DPYSL2: variants seen among roughly 807,000 people sequenced by gnomAD.
The protein encoded by DPYSL2 is dihydropyrimidinase like 2, also known as dihydropyrimidinase-related protein 2.
A neutral mutation model predicts 69.9 loss-of-function variants in DPYSL2; 13 were observed. The observed-to-expected ratio is 0.19, with a 90% CI of 0.12 to 0.30. The LOEUF (loss-of-function observed/expected upper bound fraction) is 0.30. Among genes scored for constraint, DPYSL2 ranks in the 10% least tolerant of loss-of-function variants. The pLI is 1.00. For synonymous variants in DPYSL2, 326 were observed against 359.1 expected, an observed-to-expected ratio of 0.91 and a Z score of 1.04; for missense variants, 587 against 918.9, an observed-to-expected ratio of 0.64 and a Z score of 4.67.
rs747393640 is a variant in DPYSL2 at position 26,565,901 on chromosome 8, G to C, written c.355-16068G>C. Reference sequence around the variant, plus strand: ...TTGGAGAAAAAGCCTGGAGGAGGAAGAGGGAATTGTCTATGTCCTAGGCCT... The same window carrying C: ...TTGGAGAAAAAGCCTGGAGGAGGAACAGGGAATTGTCTATGTCCTAGGCCT... On this transcript the variant is annotated intron_variant, in intron 1 of 13. Coordinates refer to ENST00000521913, the MANE Select transcript of DPYSL2 (RefSeq NM_001197293.3). This position sits in a 1 kb window ranked among gnomAD's most constrained non-coding sequence, Gnocchi z 4.1. 1.8e-4 allele frequency among the ~76,000 whole-genome samples: 27 copies of C among 152,326 alleles called. No individual in the cohort carries two copies. Among genetic ancestry groups the C allele is most frequent in the Middle Eastern group, 6.8e-3 (2 of 294 alleles).
intron 3 of DPYSL2, among the ~76,000 whole-genome samples, chr8:26,584,569 C>T (rs2129742900): frequency 6.6e-6 from 1 of 151,508 alleles, no homozygotes; most frequent in South Asian, 2.1e-4. Flanking sequence ...ATTGCTGACA[C>T]CCACAGCTGG....
intron 3 of DPYSL2, among the ~76,000 whole-genome samples, chr8:26,589,457 T>C (rs765851659): frequency 2.0e-5 from 3 of 152,110 alleles, no homozygotes; most frequent in Non-Finnish European, 4.4e-5. Flanking sequence ...AATGAGTGAG[T>C]GAATGAATGA....
At position 26,640,964 on chromosome 8, in the gene DPYSL2, T is replaced by C. The variant is rs924459981; in HGVS notation, c.1127-2475T>C. ...GTTCATTCTCTTGAAGTGAGGTAGA[T>C]ATTCCTGTGCACAGAGAGAAGGGGA... On this transcript the variant is annotated intron_variant, in intron 8 of 13. Coordinates refer to ENST00000521913, the MANE Select transcript of DPYSL2 (RefSeq NM_001197293.3). This position sits in a 1 kb window ranked among gnomAD's most constrained non-coding sequence, Gnocchi z 4.2. 2.6e-5 allele frequency among the ~76,000 whole-genome samples: 4 copies of C among 152,156 alleles called. No individual in the cohort carries two copies. The highest frequency in any genetic ancestry group is 1.3e-4 in the Admixed American group (2 of 15,276).
chr8:26,530,827 C>G (rs370461518), intron 1 of DPYSL2, among the ~76,000 whole-genome samples: 1 of 152,190 alleles, frequency 6.6e-6, no homozygotes, highest in African/African-American at 2.4e-5. Context: ...TTTAGATCTG[C>G]TACCTCCTTT....
intron 1 of DPYSL2, among the ~76,000 whole-genome samples, chr8:26,536,477 C>T (rs1800594509): frequency 6.6e-6 from 1 of 151,986 alleles, no homozygotes; most frequent in Admixed American, 6.5e-5. Context: ...TCGAGACCAG[C>T]CTGGTTAACA....
At chr8:26,528,806 C>G (rs531169363) in intron 1 of DPYSL2, among the ~76,000 whole-genome samples, 1 of 152,168 alleles carries the variant, frequency 6.6e-6, no homozygotes, top group Non-Finnish European at 1.5e-5. Flanking sequence ...TGGCCAAGAG[C>G]CTTTATTGTG....
chr8:26,625,889 A>G (rs1038663191), intron 4 of DPYSL2, among the ~76,000 whole-genome samples: 1 of 152,134 alleles, frequency 6.6e-6, no homozygotes, highest in East Asian at 1.9e-4. Context: ...ATTGTTTTAA[A>G]ATACACTCAT....
Position 26,626,479 on chromosome 8 carries a change from T to A in DPYSL2, c.794-138T>A. ...TTCTCTCCTCTCTCTTTCTCTGTACTGAAACACACACACACACACACACAC... is the reference window on the plus strand; with the variant it reads ...TTCTCTCCTCTCTCTTTCTCTGTACAGAAACACACACACACACACACACAC... On this transcript the variant is annotated intron_variant, in intron 4 of 13. Transcript: ENST00000521913. The surrounding 1 kb of genome is among the most constrained non-coding windows in gnomAD (Gnocchi z 4.3). 1 of 663,098 alleles carries A rather than the reference T, an allele frequency of 1.5e-6. No homozygotes were observed. Among genetic ancestry groups the A allele is most frequent in the Non-Finnish European group, 2.4e-6 (1 of 419,604 alleles). The allele number at this position is 663,098 out of a possible 1,614,324, so 41.1% of individuals were successfully genotyped here. A position where few individuals can be genotyped will look rare whatever the true frequency, so the allele number is the denominator to read the frequency against.
At chr8:26,634,750 A>T (rs755721103) in intron 7 of DPYSL2, 30 bp from the exon 8 acceptor site, 5 of 1,613,572 alleles carry the variant, frequency 3.1e-6, no homozygotes, top group Non-Finnish European at 3.4e-6. Flanking sequence ...GGGCTGAGCC[A>T]CATTCTCATG....
rs773101826 is a variant in DPYSL2 at position 26,641,949 on chromosome 8, G to C, written c.1127-1490G>C. Reference sequence around the variant, plus strand: ...TGTATCATCAAGTGATAAGGCCTTCGGAAAGGCTGTGGAGAGGAAGGAAAA... The same window carrying C: ...TGTATCATCAAGTGATAAGGCCTTCCGAAAGGCTGTGGAGAGGAAGGAAAA... On this transcript the variant is annotated intron_variant, in intron 8 of 13. Coordinates refer to ENST00000521913, the MANE Select transcript of DPYSL2 (RefSeq NM_001197293.3). This position sits in a 1 kb window ranked among gnomAD's most constrained non-coding sequence, Gnocchi z 4.1. 4.6e-5 allele frequency among the ~76,000 whole-genome samples: 7 copies of C among 152,156 alleles called. No homozygotes were observed. The highest frequency in any genetic ancestry group is 6.5e-5 in the Admixed American group (1 of 15,272).
chr8:26,592,541 T>G (rs1801755342), intron 3 of DPYSL2, among the ~76,000 whole-genome samples: 1 of 151,108 alleles, frequency 6.6e-6, no homozygotes, highest in Admixed American at 6.6e-5. Flanking sequence ...AATGGCGCAG[T>G]CTTGGCTCAC....
rs1220784351 is a variant in DPYSL2, at chr8:26,517,807, G to A, written c.354+3128G>A. ...GCCGCTGAATGAACTGCACAGTGCT[G>A]CTGAGCTTGGCAATGTTACTGAGTC... On this transcript the variant is annotated intron_variant, in intron 1 of 13. Transcript: ENST00000521913. This position sits in a 1 kb window ranked among gnomAD's most constrained non-coding sequence, Gnocchi z 4.2. Among the ~76,000 whole-genome samples the A allele has an allele frequency of 6.6e-6, 1 of 152,248 alleles. No individual in the cohort carries two copies. Among genetic ancestry groups the A allele is most frequent in the Non-Finnish European group, 1.5e-5 (1 of 68,048 alleles).
At chr8:26,589,617 C>G (rs59353992) in intron 3 of DPYSL2, among the ~76,000 whole-genome samples, 6,568 of 152,302 alleles carry the variant, frequency 0.043, 457 homozygotes, top group African/African-American at 0.15. Flanking sequence ...CAGTGGCTCC[C>G]TCTGCAGCCC....
intron 8 of DPYSL2, chr8:26,637,784 C>T (rs71519607): frequency 0.052 from 7,987 of 152,288 alleles, 297 homozygotes; most frequent in Non-Finnish European, 0.075. Flanking sequence ...TCCACATGTC[C>T]TTTTGCCATC....
chr8:26,559,410 C>G (rs1045131807), intron 1 of DPYSL2, among the ~76,000 whole-genome samples: 1 of 152,096 alleles, frequency 6.6e-6, no homozygotes, highest in Non-Finnish European at 1.5e-5. Flanking sequence ...TACATTCTTG[C>G]GAAAGAAATG....
rs142334806 is a variant in DPYSL2 at position 26,517,003 on chromosome 8, C to T, written c.354+2324C>T. ...TGACTTGTCATTAGTTGGTTTTCAA[C>T]GAATGAGTTGGGTGAGTGCCAGCAT... On this transcript the variant is annotated intron_variant, in intron 1 of 13. Coordinates refer to ENST00000521913, the MANE Select transcript of DPYSL2 (RefSeq NM_001197293.3). This position sits in a 1 kb window ranked among gnomAD's most constrained non-coding sequence, Gnocchi z 4.2. Among the ~76,000 whole-genome samples, 7 of 152,298 alleles carry T rather than the reference C, an allele frequency of 4.6e-5. No homozygotes were observed. Among genetic ancestry groups the T allele is most frequent in the South Asian group, 2.1e-4 (1 of 4,824 alleles).
rs1376762085 is a variant in DPYSL2 at position 26,627,947 on chromosome 8, G to A, written c.1005+7G>A. The A allele has an allele frequency of 3.7e-6, 6 of 1,613,188 alleles. No homozygotes were observed. The highest frequency in any genetic ancestry group is 2.7e-5 in the African/African-American group (2 of 74,922). On this transcript the variant is annotated splice_region_variant and intron_variant, in intron 7 of 13. Transcript: ENST00000521913. The surrounding 1 kb of genome is among the most constrained non-coding windows in gnomAD (Gnocchi z 6.9). ...GCTGAGCCGACCTGAGGAGGTGAAT[G>A]TTCACCAAGCGGAATGCGTGAATCA...
At position 26,598,372 on chromosome 8, in the gene DPYSL2, T is replaced by G. The variant is rs1271483238; in HGVS notation, c.628+14389T>G. Among the ~76,000 whole-genome samples the G allele has an allele frequency of 6.6e-6, 1 of 152,244 alleles. No homozygotes were observed. Among genetic ancestry groups the G allele is most frequent in the Non-Finnish European group, 1.5e-5 (1 of 68,038 alleles). On this transcript the variant is annotated intron_variant, in intron 3 of 13. Transcript: ENST00000521913. The surrounding 1 kb of genome is among the most constrained non-coding windows in gnomAD (Gnocchi z 4.2). ...TTTGTGGATGTTTTAGAGCTCCTCC[T>G]CTCCATCTCCTGAATTTCTTTTCTT...
rs1803391237 is a variant in DPYSL2 at position 26,656,358 on chromosome 8, T to G, written c.*652T>G. On this transcript the variant is annotated 3_prime_UTR_variant, in exon 14 of 14. Transcript: ENST00000521913. ...GCCCACCCGCATCGCCATTCTGTAG[T>G]CTTCAGGGTCAGCTGTTGATAAAGG... 6.6e-6 allele frequency: 1 copy of G among 152,528 alleles called. No individual in the cohort carries two copies. Among genetic ancestry groups the G allele is most frequent in the African/African-American group, 2.4e-5 (1 of 41,406 alleles). The allele number at this position is 152,528 out of a possible 1,614,324, so 9.4% of individuals were successfully genotyped here. A position where few individuals can be genotyped will look rare whatever the true frequency, so the allele number is the denominator to read the frequency against.
Sources: gnomAD v4.1 joint callset for allele counts (sites outside exome capture counted in the v4.1 genomes callset) on GRCh38, gnomAD v4.1.1 for gene constraint, Gnocchi (gnomAD v3.1) non-coding constraint, MANE v1.5 for transcripts, NCBI Gene and HGNC (gene_info 2026-07-23, HGNC 2026-07-21) for gene names.